The following SLC13A3 variants were observed in gnomAD, a reference collection of about 807,000 sequenced individuals.
The protein encoded by SLC13A3 is Na(+)/dicarboxylate cotransporter 3.
Under a neutral mutation model 59.0 loss-of-function variants are expected in SLC13A3, and 40 were observed. The observed-to-expected ratio is 0.68, with a 90% CI of 0.53 to 0.88. The LOEUF (loss-of-function observed/expected upper bound fraction) is 0.88. Ranked by LOEUF, SLC13A3 falls within the 40% of genes least tolerant of loss-of-function variation. SLC13A3 has a pLI of 0.00. For missense variants in SLC13A3, 699 were observed against 783.2 expected (o/e 0.89, Z 1.28); for synonymous variants, 317 against 330.3 (o/e 0.96, Z 0.44).
intron 1 of SLC13A3, among the ~76,000 whole-genome samples, chr20:46,637,916 A>G (rs1293109279): frequency 6.6e-6 from 1 of 152,162 alleles, no homozygotes; most frequent in African/African-American, 2.4e-5. Flanking sequence ...CAGGTGAGGC[A>G]GGCTCCTTCT....
intron 6 of SLC13A3, 125 bp downstream of exon 6, chr20:46,592,279 A>G: frequency 8.2e-7 from 1 of 1,223,614 alleles, no homozygotes; most frequent in Non-Finnish European, 1.2e-6. Context: ...ATACATACAT[A>G]AAAGAAAGAA....
intron 1 of SLC13A3, among the ~76,000 whole-genome samples, chr20:46,625,430 C>T (rs1203171021): frequency 1.3e-5 from 2 of 152,054 alleles, no homozygotes; most frequent in Non-Finnish European, 2.9e-5. Context: ...AAGAACTTCC[C>T]CACTGAAAAT....
At chr20:46,634,029 GC>G (rs1473214892) in intron 1 of SLC13A3, among the ~76,000 whole-genome samples, 1 of 152,192 alleles carries the variant, frequency 6.6e-6, no homozygotes, top group African/African-American at 2.4e-5. Context: ...GATCTTATGG[GC>G]CCTATCCCCA....
intron 1 of SLC13A3, among the ~76,000 whole-genome samples, chr20:46,619,264 A>G (rs2062591335): frequency 6.6e-6 from 1 of 152,202 alleles, no homozygotes; most frequent in Non-Finnish European, 1.5e-5. Flanking sequence ...AAAAAGGCTC[A>G]TGTCCTCCAG....
At chr20:46,629,801 G>T (rs2062719404) in intron 1 of SLC13A3, among the ~76,000 whole-genome samples, 1 of 151,978 alleles carries the variant, frequency 6.6e-6, no homozygotes, top group Non-Finnish European at 1.5e-5. Context: ...ATTTGTTGTA[G>T]GCAGGCAATT....
chr20:46,563,490 A>G lies in SLC13A3; in HGVS notation c.1556T>C (p.Phe519Ser). 1 of 1,614,116 alleles carries G rather than the reference A, an allele frequency of 6.2e-7. No homozygotes were observed. The highest frequency in any genetic ancestry group is 8.5e-7 in the Non-Finnish European group (1 of 1,180,002). Residue 519 changes from phenylalanine to serine, a missense_variant, in exon 12 of 13, where the codon TTT becomes TCT. Coordinates refer to ENST00000279027, the MANE Select transcript of SLC13A3 (RefSeq NM_022829.6). ...CGTTGAGACCGGGAGCATGAAGGCAAAGGAGCAGCCGACTGTGCCCGGAAT... is the reference window on the plus strand; with the variant it reads ...CGTTGAGACCGGGAGCATGAAGGCAGAGGAGCAGCCGACTGTGCCCGGAAT... ...LMIPGTVGCSFAFMLPVSTPP... is the reference protein window; with the variant it reads ...LMIPGTVGCSSAFMLPVSTPP...
At chr20:46,681,250 A>C (rs1209873423) in intron 1 of SLC13A3, among the ~76,000 whole-genome samples, 1 of 152,214 alleles carries the variant, frequency 6.6e-6, no homozygotes, top group East Asian at 1.9e-4. Context: ...AGACATCCTC[A>C]CGTCCGTCTC....
intron 1 of SLC13A3, among the ~76,000 whole-genome samples, chr20:46,659,619 G>A (rs1367137722): frequency 6.6e-6 from 1 of 151,844 alleles, no homozygotes; most frequent in African/African-American, 2.4e-5. Context: ...GGAGGCTGAG[G>A]TGGGAGGATA....
intron 1 of SLC13A3, among the ~76,000 whole-genome samples, chr20:46,666,770 T>C (rs1245484288): frequency 1.3e-5 from 2 of 152,070 alleles, no homozygotes; most frequent in Admixed American, 6.6e-5. Context: ...TCTCAAAGCG[T>C]TGGGATTACA....
In SLC13A3 at chr20:46,613,670, G is replaced by T; in HGVS notation, c.167C>A (p.Ala56Asp). The stretch of plus-strand genomic sequence containing the variant: ...CAGCGCCGTCACTGAGAGCGGCAGG[G>T]CCTCCGTGCACCAGTACACCGCCAT... ...LLMAVYWCTE[A>D]LPLSVTALLP... Residue 56 changes from alanine to aspartate, a missense_variant, in exon 2 of 13, where the codon GCC becomes GAC. Transcript: ENST00000279027. 6.2e-7 allele frequency: 1 copy of T among 1,612,186 alleles called. No homozygotes were observed. Among genetic ancestry groups the T allele is most frequent in the Non-Finnish European group, 8.5e-7 (1 of 1,179,294 alleles).
intron 1 of SLC13A3, among the ~76,000 whole-genome samples, chr20:46,628,437 A>G (rs2062700322): frequency 1.3e-5 from 2 of 152,154 alleles, no homozygotes; most frequent in African/African-American, 4.8e-5. Context: ...GGACTCAGCT[A>G]AAATCTCTAG....
intron 8 of SLC13A3, among the ~76,000 whole-genome samples, chr20:46,587,804 T>C (rs1448209673): frequency 6.6e-6 from 1 of 152,228 alleles, no homozygotes; most frequent in Non-Finnish European, 1.5e-5. Flanking sequence ...AGCTCGTAAG[T>C]GGCAGAGCTA....
rs1274275677 is a variant in SLC13A3 at position 46,596,265 on chromosome 20, T to A, written c.686A>T (p.Asn229Ile). The A allele has an allele frequency of 6.2e-7, 1 of 1,614,184 alleles. No homozygotes were observed. The highest frequency in any genetic ancestry group is 8.5e-7 in the Non-Finnish European group (1 of 1,180,034). The part of the protein sequence containing the change: ...DSRKEDEYRR[N>I]IWKGFLISIP... ...GGAGATGAGGAAGCCCTTCCAGATG[T>A]TCCGACGATATTCATCCTCCTTCCT... The change falls in exon 5 of 13, where the codon AAC (asparagine) becomes ATC (isoleucine). Residue 229 changes from asparagine to isoleucine, a missense_variant. Asn to Ile is a moderately radical substitution (Grantham distance 149). Coordinates refer to ENST00000279027, the MANE Select transcript of SLC13A3 (RefSeq NM_022829.6).
chr20:46,574,514 C>T (rs972360420), intron 10 of SLC13A3, among the ~76,000 whole-genome samples: 3 of 152,186 alleles, frequency 2.0e-5, no homozygotes, highest in East Asian at 1.9e-4. Context: ...TTCTGCACTC[C>T]GTGTGCCTCA....
chr20:46,614,728 G>C (rs2062538424), intron 1 of SLC13A3, among the ~76,000 whole-genome samples: 1 of 152,182 alleles, frequency 6.6e-6, no homozygotes, highest in African/African-American at 2.4e-5. Context: ...GTGCAAGGAG[G>C]TGGTTAGCAA....
chr20:46,606,507 T>C (rs533070896), intron 3 of SLC13A3, among the ~76,000 whole-genome samples: 1 of 152,258 alleles, frequency 6.6e-6, no homozygotes, highest in South Asian at 2.1e-4. Flanking sequence ...TAGCTTTCTA[T>C]GGACAGAGAA....
At chr20:46,679,546 G>A (rs958835346) in intron 1 of SLC13A3, among the ~76,000 whole-genome samples, 2 of 151,664 alleles carry the variant, frequency 1.3e-5, no homozygotes, top group Non-Finnish European at 2.9e-5. Context: ...CCCAGGAGGT[G>A]AAGCTTGCAG....
At chr20:46,667,590 T>C (rs1386698597) in intron 1 of SLC13A3, among the ~76,000 whole-genome samples, 1 of 152,208 alleles carries the variant, frequency 6.6e-6, no homozygotes, top group East Asian at 1.9e-4. Flanking sequence ...TCCATCCTTA[T>C]AAAATCCATG....
intron 1 of SLC13A3, among the ~76,000 whole-genome samples, chr20:46,621,393 C>A (rs932104876): frequency 6.6e-6 from 1 of 152,094 alleles, no homozygotes; most frequent in East Asian, 1.9e-4. Flanking sequence ...TAATGTAAAA[C>A]AAAGATGGCA....
Sources: gnomAD v4.1 joint callset for allele counts (sites outside exome capture counted in the v4.1 genomes callset) on GRCh38, gnomAD v4.1.1 for gene constraint, MANE v1.5 for transcripts, NCBI Gene and HGNC (gene_info 2026-07-23, HGNC 2026-07-21) for gene names.